PCDHGB5: variants seen among roughly 807,000 people sequenced by gnomAD.
The protein encoded by PCDHGB5 is protocadherin gamma subfamily B, 5, also known as protocadherin gamma-B5.
Under a neutral mutation model 62.9 loss-of-function variants are expected in PCDHGB5, and 48 were observed. That is an observed-to-expected ratio of 0.76 (90% CI 0.61 to 0.97). The LOEUF (loss-of-function observed/expected upper bound fraction) is 0.97, where lower values mean the gene tolerates loss of function less well. Ranked by LOEUF, PCDHGB5 falls within the 50% of genes least tolerant of loss-of-function variation. The pLI, the probability that PCDHGB5 is intolerant of heterozygous loss-of-function variation, is 0.00. For missense variants in PCDHGB5, 1,118 were observed against 1,198.6 expected, an observed-to-expected ratio of 0.93 and a Z score of 0.99; for synonymous variants, 474 against 511.2, an observed-to-expected ratio of 0.93 and a Z score of 0.98.
chr5:141,494,468 C>G (rs2099754577), intron 1 of PCDHGB5, among the ~76,000 whole-genome samples: 1 of 152,136 alleles, frequency 6.6e-6, no homozygotes, highest in East Asian at 1.9e-4. Context: ...TGCACCTCTT[C>G]CCCCAGTTCC....
At chr5:141,510,828 C>T in intron 3 of PCDHGB5, 119 bp from the exon 4 acceptor site, 18 of 1,572,154 alleles carry the variant, frequency 1.1e-5, no homozygotes, top group Non-Finnish European at 1.6e-5. Context: ...ATTCCCAGTG[C>T]TCAGCGTGGT....
chr5:141,419,069 C>G, intron 1 of PCDHGB5: 1 of 1,613,912 alleles, frequency 6.2e-7, no homozygotes, highest in Admixed American at 1.7e-5. Context: ...TTACTACAAG[C>G]TAGTAACAGA....
Position 141,476,559 on chromosome 5 carries a change from T to C in PCDHGB5, c.2398-18248T>C. The stretch of plus-strand genomic sequence containing the variant: ...ATGAAATTGGAGATTAGCGAGGCCG[T>C]GGCTCCGGGGACGCGCTTTCCGCTC... On this transcript the variant is annotated intron_variant, in intron 1 of 3. Coordinates refer to ENST00000617380, the MANE Select transcript of PCDHGB5 (RefSeq NM_018925.3). This position sits in a 1 kb window ranked among gnomAD's most constrained non-coding sequence, Gnocchi z 7.6. 4 of 1,614,228 alleles carry C rather than the reference T, an allele frequency of 2.5e-6. No homozygotes were observed. Among genetic ancestry groups the C allele is most frequent in the Non-Finnish European group, 3.4e-6 (4 of 1,180,036 alleles).
intron 1 of PCDHGB5, among the ~76,000 whole-genome samples, chr5:141,464,019 C>A (rs1285414825): frequency 2.0e-5 from 3 of 151,984 alleles, no homozygotes; most frequent in African/African-American, 4.8e-5. Context: ...TAATCCCACA[C>A]TTTGGGAGGC....
At chr5:141,474,758 C>T (rs2099354200) in intron 1 of PCDHGB5, among the ~76,000 whole-genome samples, 1 of 152,210 alleles carries the variant, frequency 6.6e-6, no homozygotes, top group Non-Finnish European at 1.5e-5. Flanking sequence ...GACAAATATA[C>T]AGAAATAGTA....
At chr5:141,422,498 C>G in intron 1 of PCDHGB5, 1 of 1,613,966 alleles carries the variant, frequency 6.2e-7, no homozygotes. Context: ...ATAACGTTGA[C>G]AGCCACAGAC....
In PCDHGB5 at chr5:141,497,558, TA is replaced by T. The variant is rs543126612; in HGVS notation, c.2456+2694del. 6.7e-3 allele frequency among the ~76,000 whole-genome samples: 979 copies of T among 145,038 alleles called. 16 individuals carry two copies. Among genetic ancestry groups the T allele is most frequent in the African/African-American group, 0.024 (931 of 38,872 alleles). On this transcript the variant is annotated intron_variant, in intron 2 of 3. Coordinates refer to ENST00000617380, the MANE Select transcript of PCDHGB5 (RefSeq NM_018925.3). The stretch of plus-strand genomic sequence containing the variant: ...AACAAACCTTTTTTTTTTTTTTTTT[TA>T]GACAGAGTCTTGCTCTGTTGCCCAA...
chr5:141,427,937 C>T, intron 1 of PCDHGB5: 1 of 1,584,566 alleles, frequency 6.3e-7, no homozygotes, highest in African/African-American at 1.3e-5. Flanking sequence ...TGTTGGTGGG[C>T]GACCTCAATG....
chr5:141,482,510 T>A (rs2099563292), intron 1 of PCDHGB5, among the ~76,000 whole-genome samples: 3 of 121,012 alleles, frequency 2.5e-5, no homozygotes, highest in African/African-American at 3.5e-5. Context: ...GTACCCAGAG[T>A]ACAGTATGAG....
intron 1 of PCDHGB5, chr5:141,412,841 G>C (rs1285924844): frequency 4.9e-6 from 1 of 205,932 alleles, no homozygotes; most frequent in East Asian, 1.1e-4. Flanking sequence ...AAAGATAGGA[G>C]TGGAGAAACC....
At position 141,400,072 on chromosome 5, in the gene PCDHGB5, C is replaced by G. The variant is rs1469206078; in HGVS notation, c.1945C>G (p.Pro649Ala). ...TGCTGTGCGTGATGGTGGACAGCCG[C>G]CACTCTCCGCCACCGCCACGCTGCA... is the stretch of plus-strand genomic sequence containing the variant. The part of the protein sequence containing the change: ...LVAVRDGGQP[P>A]LSATATLHLV... Residue 649 changes from proline (P) to alanine (A), a missense_variant, in exon 1 of 4, where the codon CCA becomes GCA. Around this residue, in one of 2 missense-constraint regions of PCDHGB5, gnomAD observed 1,034 missense variants for 1,029.1 expected, o/e 1.00. Coordinates refer to ENST00000617380, the MANE Select transcript of PCDHGB5 (RefSeq NM_018925.3). 1 of 1,613,934 alleles carries G rather than the reference C, an allele frequency of 6.2e-7. No individual in the cohort carries two copies. Among genetic ancestry groups the G allele is most frequent in the Non-Finnish European group, 8.5e-7 (1 of 1,179,870 alleles).
chr5:141,489,894 G>A lies in PCDHGB5; in HGVS notation c.2398-4913G>A, dbSNP rs942456058. 33 of 1,614,204 alleles carry A rather than the reference G, an allele frequency of 2.0e-5. No individual in the cohort carries two copies. The highest frequency in any genetic ancestry group is 2.4e-5 in the Non-Finnish European group (28 of 1,180,028). Reference sequence around the variant, plus strand: ...TGGTGCTTACTGCTGTGGATGGGGGGACCCCAGCCCGCTCAGGGACCACCC... The same window carrying A: ...TGGTGCTTACTGCTGTGGATGGGGGAACCCCAGCCCGCTCAGGGACCACCC... On this transcript the variant is annotated intron_variant, in intron 1 of 3. Coordinates refer to ENST00000617380, the MANE Select transcript of PCDHGB5 (RefSeq NM_018925.3). This position sits in a 1 kb window ranked among gnomAD's most constrained non-coding sequence, Gnocchi z 4.5.
chr5:141,501,290 TACACACACAC>T (rs55762287), intron 2 of PCDHGB5, among the ~76,000 whole-genome samples: 44 of 136,248 alleles, frequency 3.2e-4, no homozygotes, highest in Admixed American at 7.8e-4. Context: ...TATTCCCTTA[TACACACACAC>T]ACACACACAC....
chr5:141,418,597 G>T, intron 1 of PCDHGB5: 7 of 1,614,052 alleles, frequency 4.3e-6, no homozygotes, highest in South Asian at 1.1e-5. Flanking sequence ...GCCAGGACGT[G>T]TACAGGGTTA....
chr5:141,422,499 A>G lies in PCDHGB5; in HGVS notation c.2397+21975A>G. 3 of 1,614,036 alleles carry G rather than the reference A, an allele frequency of 1.9e-6. No homozygotes were observed. The South Asian group carries it at 3.3e-5, about 18-fold the overall frequency. On this transcript the variant is annotated intron_variant, in intron 1 of 3. Coordinates refer to ENST00000617380, the MANE Select transcript of PCDHGB5 (RefSeq NM_018925.3). ...TCCAGAGCTACAATATAACGTTGAC[A>G]GCCACAGACCAGGGAAGCCCGCCTT...
chr5:141,454,489 C>T (rs1450435753), intron 1 of PCDHGB5, among the ~76,000 whole-genome samples: 1 of 152,222 alleles, frequency 6.6e-6, no homozygotes, highest in African/African-American at 2.4e-5. Flanking sequence ...TCACCGCAAC[C>T]TCCACCTCCT....
At chr5:141,425,253 A>G (rs1019069029) in intron 1 of PCDHGB5, among the ~76,000 whole-genome samples, 12 of 152,196 alleles carry the variant, frequency 7.9e-5, no homozygotes, top group Non-Finnish European at 1.5e-4. Context: ...GATATGAGGT[A>G]TTTGGCTGGG....
At position 141,431,808 on chromosome 5, in the gene PCDHGB5, C is replaced by A. The variant is rs2097419249; in HGVS notation, c.2397+31284C>A. Reference sequence around the variant, plus strand: ...GACAATGCCCCAGAAGTGGTCCTCACCTCTCTCGCCAGCTCGGTTCCCGAA... The same window carrying A: ...GACAATGCCCCAGAAGTGGTCCTCAACTCTCTCGCCAGCTCGGTTCCCGAA... On this transcript the variant is annotated intron_variant, in intron 1 of 3. Transcript: ENST00000617380. The surrounding 1 kb of genome is among the most constrained non-coding windows in gnomAD (Gnocchi z 4.8). The A allele has an allele frequency of 6.2e-7, 1 of 1,614,236 alleles. No individual in the cohort carries two copies. Among genetic ancestry groups the A allele is most frequent in the Non-Finnish European group, 8.5e-7 (1 of 1,180,040 alleles).
At position 141,491,265 on chromosome 5, in the gene PCDHGB5, C is replaced by G. The variant is rs868682993; in HGVS notation, c.2398-3542C>G. ...AGGATGAGGACCCTGAGGAAATGCCCAAATCCAGTGACTTCCTCATACACC... is the reference window on the plus strand; with the variant it reads ...AGGATGAGGACCCTGAGGAAATGCCGAAATCCAGTGACTTCCTCATACACC... On this transcript the variant is annotated intron_variant, in intron 1 of 3. Transcript: ENST00000617380. The surrounding 1 kb of genome is among the most constrained non-coding windows in gnomAD (Gnocchi z 6.9). The G allele has an allele frequency of 6.2e-7, 1 of 1,614,074 alleles. No individual in the cohort carries two copies. The highest frequency in any genetic ancestry group is 8.5e-7 in the Non-Finnish European group (1 of 1,179,916).
Sources: gnomAD v4.1 joint callset for allele counts (sites outside exome capture counted in the v4.1 genomes callset) on GRCh38, gnomAD v4.1.1 for gene constraint, gnomAD v4.1.1 regional missense constraint, Gnocchi (gnomAD v3.1) non-coding constraint, MANE v1.5 for transcripts, NCBI Gene and HGNC (gene_info 2026-07-23, HGNC 2026-07-21) for gene names.